Variants in ACSM4 observed in about 807,000 individuals in gnomAD.
ACSM4 encodes the protein acyl-CoA synthetase medium chain family member 4.
ACSM4 carries 66 observed loss-of-function variants against 73.0 expected under a neutral mutation model. That is an observed-to-expected ratio of 0.90 (90% CI 0.74 to 1.11). ACSM4 has a LOEUF of 1.11. Among genes scored for constraint, ACSM4 ranks in the 50% least tolerant of loss-of-function variants. ACSM4 has a pLI of 0.00. For missense variants in ACSM4, 645 were observed against 714.4 expected (o/e 0.90, Z 1.11); for synonymous variants, 222 against 254.0 (o/e 0.87, Z 1.20).
intron 2 of ACSM4, among the ~76,000 whole-genome samples, chr12:7,310,333 C>T (rs1030646249): frequency 1.3e-5 from 2 of 152,198 alleles, no homozygotes; most frequent in African/African-American, 4.8e-5. Context: ...CAGGATTAGA[C>T]CCATGGTCTG....
chr12:7,322,636 A>G, intron 7 of ACSM4, 95 bp downstream of exon 7: 1 of 1,455,828 alleles, frequency 6.9e-7, no homozygotes, highest in South Asian at 1.4e-5. Flanking sequence ...TCCCACTGTA[A>G]ATTTTTATAG....
intron 4 of ACSM4, 57 bp from the exon 5 acceptor site, chr12:7,317,969 T>G: frequency 6.4e-7 from 1 of 1,573,522 alleles, no homozygotes; most frequent in Non-Finnish European, 8.7e-7. Context: ...AGATACCAGT[T>G]TGTAATTTTT....
In ACSM4 at chr12:7,323,018, G is replaced by T. The variant is rs1005711949; in HGVS notation, c.1126-216G>T. Among the ~76,000 whole-genome samples the T allele has an allele frequency of 2.6e-5, 4 of 152,088 alleles. No homozygotes were observed. The East Asian group carries it at 7.7e-4, about 29-fold the overall frequency. On this transcript the variant is annotated intron_variant, in intron 7 of 12. Transcript: ENST00000399422. ...AATGAATCAGAAACTCTGGGATAAG[G>T]CCCATCAATCTGTGTTTCAACAATG...
At position 7,313,402 on chromosome 12, in the gene ACSM4, G is replaced by A. The variant is rs753783966; in HGVS notation, c.620+2656G>A. Among the ~76,000 whole-genome samples the A allele has an allele frequency of 2.8e-4, 43 of 152,254 alleles. 1 individual carries two copies. Among genetic ancestry groups the A allele is most frequent in the Admixed American group, 4.6e-4 (7 of 15,288 alleles). On this transcript the variant is annotated intron_variant, in intron 3 of 12. Transcript: ENST00000399422. ...TCTAAAAACTAGGGAAGGGATAGCC[G>A]TCTCATTGCCAACAGTTGGCTAGTT... is the stretch of plus-strand genomic sequence containing the variant.
chr12:7,309,512 A>G (rs754128885), intron 2 of ACSM4, among the ~76,000 whole-genome samples: 60 of 152,348 alleles, frequency 3.9e-4, no homozygotes, highest in African/African-American at 1.2e-3. Context: ...ATGAGATAAA[A>G]GCATTAAAAG....
Position 7,307,995 on chromosome 12 carries a change from G to A in ACSM4, c.412+1252G>A, listed in dbSNP as rs750652161. On this transcript the variant is annotated intron_variant, in intron 2 of 12. Transcript: ENST00000399422. ...TGTTATTAATAGTAATAGAAATTTG[G>A]AAACAACTAAATAGAAATGACTGAA... Among the ~76,000 whole-genome samples, 29 of 152,232 alleles carry A rather than the reference G, an allele frequency of 1.9e-4. No individual in the cohort carries two copies. In the South Asian group the frequency reaches 5.8e-3, roughly 31 times the overall value.
intron 2 of ACSM4, among the ~76,000 whole-genome samples, chr12:7,309,629 C>T (rs1399388273): frequency 3.3e-5 from 5 of 152,168 alleles, no homozygotes; most frequent in African/African-American, 1.2e-4. Flanking sequence ...TCTCAAACTC[C>T]TGGGCTCAAG....
chr12:7,315,213 T>C (rs79933036), intron 3 of ACSM4, among the ~76,000 whole-genome samples: 3 of 145,382 alleles, frequency 2.1e-5, no homozygotes, highest in Admixed American at 1.4e-4. Flanking sequence ...AAAAAAAAAA[T>C]CCTCACTGTT....
chr12:7,317,300 T>C lies in ACSM4; in HGVS notation c.764+20T>C, dbSNP rs750060448. 6.5e-7 allele frequency: 1 copy of C among 1,540,118 alleles called. No homozygotes were observed. The highest frequency in any genetic ancestry group is 8.8e-7 in the Non-Finnish European group (1 of 1,142,604). The stretch of plus-strand genomic sequence containing the variant: ...CGGAAGGTAGGGAAGAAAATTCAGT[T>C]TGTTTTTGGTGAACTCCCCCAAAGC... On this transcript the variant is annotated intron_variant, in intron 4 of 12. Transcript: ENST00000399422.
chr12:7,304,229 G>C lies in ACSM4; in HGVS notation c.-103G>C, dbSNP rs1222445928. On this transcript the variant is annotated 5_prime_UTR_variant, in exon 1 of 13. Transcript: ENST00000399422. ...CACACAGCCACAAATCCACCTCCCA[G>C]TCTCACCACAGAGCATCAAGAAACT... The C allele has an allele frequency of 9.7e-6, 12 of 1,241,832 alleles. No homozygotes were observed. The highest frequency in any genetic ancestry group is 1.1e-5 in the Non-Finnish European group (10 of 872,658). 76.9% of individuals were successfully genotyped at this position (1,241,832 alleles called of 1,614,324 possible).
chr12:7,327,480 T>C (rs1946516972), intron 12 of ACSM4, among the ~76,000 whole-genome samples: 1 of 152,194 alleles, frequency 6.6e-6, no homozygotes, highest in African/African-American at 2.4e-5. Flanking sequence ...TGCCTTGAAG[T>C]ATCAAGTGAC....
chr12:7,322,853 C>A (rs1281616469), intron 7 of ACSM4, among the ~76,000 whole-genome samples: 1 of 152,114 alleles, frequency 6.6e-6, no homozygotes, highest in East Asian at 1.9e-4. Flanking sequence ...CTGAGAGCGT[C>A]CATGGGAAAT....
At chr12:7,308,951 C>G (rs1233985277) in intron 2 of ACSM4, among the ~76,000 whole-genome samples, 1 of 151,910 alleles carries the variant, frequency 6.6e-6, no homozygotes, top group African/African-American at 2.4e-5. Flanking sequence ...ACTTTGTGAC[C>G]CTTGGGCAAG....
At chr12:7,315,561 G>A (rs762735143) in intron 3 of ACSM4, among the ~76,000 whole-genome samples, 2 of 152,128 alleles carry the variant, frequency 1.3e-5, no homozygotes, top group South Asian at 2.1e-4. Flanking sequence ...GTAGGGAGGC[G>A]TGATCATGAC....
intron 3 of ACSM4, among the ~76,000 whole-genome samples, chr12:7,316,915 G>T (rs2136332198): frequency 6.6e-6 from 1 of 152,272 alleles, no homozygotes; most frequent in East Asian, 1.9e-4. Flanking sequence ...ATAGGGAGAT[G>T]AAGCTTAAAA....
At chr12:7,308,614 G>A (rs920259123) in intron 2 of ACSM4, among the ~76,000 whole-genome samples, 3 of 152,102 alleles carry the variant, frequency 2.0e-5, no homozygotes, top group African/African-American at 7.2e-5. Context: ...TACCAAGGGA[G>A]CTAATTATTT....
chr12:7,304,352 C>A lies in ACSM4; in HGVS notation c.21C>A (p.Tyr7Ter), dbSNP rs778625966. The change falls in exon 1 of 13, where the codon TAC becomes TAA. Residue 7 changes from tyrosine (Y) to a stop codon, truncating the protein, a stop_gained. Coordinates refer to ENST00000399422, the MANE Select transcript of ACSM4 (RefSeq NM_001080454.2). LOFTEE classifies it high-confidence loss of function. MKIFFRYQTFRFIWLTK... is the reference protein window; with the variant it reads MKIFFR ...GAACCATGAAGATTTTTTTCCGCTA[C>A]CAGACATTTAGATTCATCTGGCTCA... 3.1e-6 allele frequency: 5 copies of A among 1,613,874 alleles called. No individual in the cohort carries two copies. Among genetic ancestry groups the A allele is most frequent in the Non-Finnish European group, 3.4e-6 (4 of 1,179,824 alleles).
At chr12:7,327,509 GA>G (rs951012797) in intron 12 of ACSM4, among the ~76,000 whole-genome samples, 1 of 152,134 alleles carries the variant, frequency 6.6e-6, no homozygotes, top group African/African-American at 2.4e-5. Flanking sequence ...GTGTTCAGAA[GA>G]AGATGATATC....
Position 7,306,653 on chromosome 12 carries a change from C to T in ACSM4, c.322C>T (p.Pro108Ser). ...AAAAGCTGCCAACGTGCTCACCAAG[C>T]CCTGTGGCCTGCAGAGAGGAGACCG... ...SRKAANVLTK[P>S]CGLQRGDRLA... The change falls in exon 2 of 13, where the codon CCC becomes TCC. Residue 108 changes from proline (P) to serine (S), a missense_variant. By Grantham distance (74) the Pro-to-Ser change is moderately conservative (BLOSUM62 -1). Transcript: ENST00000399422. 1.9e-6 allele frequency: 3 copies of T among 1,610,082 alleles called. No homozygotes were observed. Among genetic ancestry groups the T allele is most frequent in the Non-Finnish European group, 2.5e-6 (3 of 1,178,310 alleles).
Sources: allele counts gnomAD v4.1 joint callset (sites outside exome capture counted in the v4.1 genomes callset), GRCh38; gene constraint gnomAD v4.1.1; transcripts MANE v1.5; gene names NCBI Gene and HGNC (gene_info 2026-07-23, HGNC 2026-07-21).